The following ARHGEF9 variants were observed in gnomAD, a reference collection of about 807,000 sequenced individuals.
ARHGEF9 encodes Cdc42 guanine nucleotide exchange factor 9.
ARHGEF9 carries 2 observed loss-of-function variants against 41.3 expected under a neutral mutation model. The ratio of observed to expected loss-of-function variants is 0.05; its 90% CI spans 0.02 to 0.15. The LOEUF (loss-of-function observed/expected upper bound fraction) is 0.15. Ranked by LOEUF, ARHGEF9 falls within the 10% of genes least tolerant of loss-of-function variation. ARHGEF9 has a pLI of 1.00. For synonymous variants in ARHGEF9, 160 were observed against 154.4 expected, an observed-to-expected ratio of 1.04 and a Z score of -0.27; for missense variants, 225 against 424.7, an observed-to-expected ratio of 0.53 and a Z score of 4.13.
chrX:63,760,653 T>C (rs1369040846), intron 1 of ARHGEF9, among the ~76,000 whole-genome samples: 1 of 111,340 alleles, frequency 9.0e-6, no homozygotes, highest in Admixed American at 9.5e-5. Flanking sequence ...AGAGATCATC[T>C]CCTCCCAACC....
rs781998288 is a variant in ARHGEF9 at position 63,686,219 on chromosome X, C to T, written c.583-7647G>A. Among the ~76,000 whole-genome samples the T allele has an allele frequency of 1.2e-3, 131 of 111,668 alleles. 1 individual carries two copies. The highest frequency in any genetic ancestry group is 3.4e-4 in the Non-Finnish European group (18 of 53,074). ...AATGAAATTATGTCATTTGCATCAACGTAGATGAAACTAGAGGTCATTGTC... is the reference window on the plus strand; with the variant it reads ...AATGAAATTATGTCATTTGCATCAATGTAGATGAAACTAGAGGTCATTGTC... On this transcript the variant is annotated intron_variant, in intron 4 of 9. Transcript: ENST00000671741.
intron 2 of ARHGEF9, chrX:63,707,312 G>A (rs868977015): frequency 9.8e-6 from 1 of 101,764 alleles, no homozygotes; most frequent in Non-Finnish European, 2.0e-5. Flanking sequence ...TGATAAATTC[G>A]CTAACAGTTG....
chrX:63,649,669 A>C (rs1556324771), intron 8 of ARHGEF9, among the ~76,000 whole-genome samples: 1 of 110,803 alleles, frequency 9.0e-6, no homozygotes, highest in African/African-American at 3.3e-5. Flanking sequence ...TTTGAAAAGA[A>C]CAACAAAATT....
chrX:63,726,889 C>G (rs1556417432), intron 1 of ARHGEF9, among the ~76,000 whole-genome samples: 1 of 111,915 alleles, frequency 8.9e-6, no homozygotes, highest in East Asian at 2.8e-4. Flanking sequence ...ATCATAGGTG[C>G]CCCTGATGCT....
chrX:63,710,081 T>C (rs148364355), intron 2 of ARHGEF9, among the ~76,000 whole-genome samples: 2 of 109,689 alleles, frequency 1.8e-5, no homozygotes, highest in African/African-American at 3.3e-5. Flanking sequence ...AAAGAAGAAA[T>C]ATTACTACCA....
At chrX:63,735,929 A>AC (rs2054593086) in intron 1 of ARHGEF9, among the ~76,000 whole-genome samples, 2 of 112,114 alleles carry the variant, frequency 1.8e-5, no homozygotes, top group African/African-American at 6.5e-5. Flanking sequence ...GAGAGAAAAG[A>AC]CATCCAGCCA....
chrX:63,703,997 G>A (rs370074073), intron 3 of ARHGEF9, among the ~76,000 whole-genome samples: 8 of 111,513 alleles, frequency 7.2e-5, no homozygotes, highest in South Asian at 3.8e-4. Context: ...GAGTAGTAAC[G>A]AAAGCATAGC....
Position 63,635,421 on chromosome X carries a change from C to A in ARHGEF9, c.*2607G>T, listed in dbSNP as rs782196800. On this transcript the variant is annotated 3_prime_UTR_variant, in exon 10 of 10. Coordinates refer to ENST00000671741, the MANE Select transcript of ARHGEF9 (RefSeq NM_001353921.2). ...GAGGAAAAGGGAGCTCAGGGCCATG[C>A]GGAAATTACAACATTACAGAATTAC... 1.2e-5 allele frequency: 6 copies of A among 519,612 alleles called. No homozygotes were observed. Among genetic ancestry groups the A allele is most frequent in the South Asian group, 2.5e-5 (1 of 39,452 alleles). 42.8% of individuals were successfully genotyped at this position (519,612 alleles called of 1,213,427 possible).
intron 6 of ARHGEF9, among the ~76,000 whole-genome samples, chrX:63,673,763 C>T (rs1392655619): frequency 9.0e-6 from 1 of 111,591 alleles, no homozygotes; most frequent in African/African-American, 3.3e-5. Context: ...CTTTGAAAGG[C>T]TACTGAATCA....
intron 5 of ARHGEF9, among the ~76,000 whole-genome samples, chrX:63,674,492 G>A (rs1346172877): frequency 8.9e-6 from 1 of 112,028 alleles, no homozygotes; most frequent in Non-Finnish European, 1.9e-5. Context: ...GCGGCTGGCC[G>A]AGTTAGGTCA....
intron 1 of ARHGEF9, among the ~76,000 whole-genome samples, chrX:63,731,231 C>T (rs1481851999): frequency 2.7e-5 from 3 of 111,939 alleles, no homozygotes; most frequent in African/African-American, 9.7e-5. Context: ...AGAAGGCCCC[C>T]TTCTCCTGAA....
chrX:63,704,439 A>G (rs2147496144), intron 3 of ARHGEF9, among the ~76,000 whole-genome samples: 1 of 111,561 alleles, frequency 9.0e-6, no homozygotes, highest in South Asian at 3.8e-4. Context: ...CTGGCACAGA[A>G]CAGAATTCCA....
At chrX:63,684,851 C>T (rs1183630286) in intron 4 of ARHGEF9, among the ~76,000 whole-genome samples, 1 of 108,710 alleles carries the variant, frequency 9.2e-6, no homozygotes, top group Non-Finnish European at 1.9e-5. Flanking sequence ...GGACATTATG[C>T]TACATGAAAT....
chrX:63,661,360 GA>G (rs1256918235), intron 7 of ARHGEF9, among the ~76,000 whole-genome samples: 1 of 111,618 alleles, frequency 9.0e-6, no homozygotes, highest in East Asian at 2.8e-4. Context: ...TGACACAAGG[GA>G]CAACAGAACA....
intron 4 of ARHGEF9, among the ~76,000 whole-genome samples, chrX:63,693,071 G>A (rs1177369296): frequency 5.4e-5 from 6 of 111,647 alleles, no homozygotes; most frequent in Non-Finnish European, 1.1e-4. Flanking sequence ...GTTGTGGGGA[G>A]AGAAGGATGA....
chrX:63,721,416 GC>G (rs1415544758), intron 2 of ARHGEF9, among the ~76,000 whole-genome samples: 3 of 111,005 alleles, frequency 2.7e-5, no homozygotes, highest in African/African-American at 9.9e-5. Context: ...TGACACCTCA[GC>G]AAGCTCTTTA....
intron 1 of ARHGEF9, among the ~76,000 whole-genome samples, chrX:63,762,175 C>T (rs782541541): frequency 3.4e-4 from 38 of 111,556 alleles, no homozygotes; most frequent in Non-Finnish European, 5.5e-4. Flanking sequence ...ACCTCCATGT[C>T]CAGGTGTATT....
chrX:63,689,485 C>G (rs1295051942), intron 4 of ARHGEF9, among the ~76,000 whole-genome samples: 1 of 111,746 alleles, frequency 8.9e-6, no homozygotes. Flanking sequence ...CACTGGAGCA[C>G]CCAAATATAC....
intron 1 of ARHGEF9, chrX:63,767,491 G>A: frequency 3.9e-6 from 1 of 255,713 alleles, no homozygotes; most frequent in East Asian, 9.3e-5. Flanking sequence ...CACTGCAGCT[G>A]TTTTCAGTTT....
Sources: allele counts gnomAD v4.1 joint callset (sites outside exome capture counted in the v4.1 genomes callset), GRCh38; gene constraint gnomAD v4.1.1; transcripts MANE v1.5; gene names NCBI Gene and HGNC (gene_info 2026-07-23, HGNC 2026-07-21).